Variants in MICAL3 observed in about 807,000 individuals in gnomAD.
MICAL3 encodes [F-actin]-monooxygenase MICAL3.
Under a neutral mutation model 207.4 loss-of-function variants are expected in MICAL3, and 62 were observed. The ratio of observed to expected loss-of-function variants is 0.30; its 90% CI spans 0.24 to 0.37. The LOEUF (loss-of-function observed/expected upper bound fraction) is 0.37. Ranked by LOEUF, MICAL3 falls within the 10% of genes least tolerant of loss-of-function variation. The pLI is 1.00. For missense variants in MICAL3, 2,368 were observed against 2,635.6 expected, an observed-to-expected ratio of 0.90 and a Z score of 2.22; for synonymous variants, 1,077 against 1,069.3, an observed-to-expected ratio of 1.01 and a Z score of -0.14.
chr22:17,882,253 T>C (rs933914831), intron 16 of MICAL3, among the ~76,000 whole-genome samples: 17 of 152,234 alleles, frequency 1.1e-4, no homozygotes, highest in Admixed American at 8.5e-4. Flanking sequence ...GAGAAGCCAC[T>C]GGCAGGCTGA....
rs200789673 is a variant in MICAL3, at chr22:17,817,974, T to C, written c.4687A>G (p.Lys1563Glu). 1.6e-4 allele frequency: 261 copies of C among 1,612,452 alleles called. 1 individual carries two copies. In the African/African-American group the frequency reaches 2.8e-3, roughly 17 times the overall value. Reference sequence around the variant, plus strand: ...AGAGCAGGCAGCCTCCCGTTCTCCTTGGCCAGGGGCGGGTGGCGAGGCTTC... The same window carrying C: ...AGAGCAGGCAGCCTCCCGTTCTCCTCGGCCAGGGGCGGGTGGCGAGGCTTC... ...PEKPRHPPLA[K>E]ENGRLPALEG... is the part of the protein sequence containing the mutation. The change falls in exon 26 of 32, where the codon AAG becomes GAG. Residue 1563 changes from lysine (K) to glutamate (E), a missense_variant. Transcript: ENST00000441493.
intron 5 of MICAL3, among the ~76,000 whole-genome samples, 153 bp from the exon 6 acceptor site, chr22:17,901,150 G>A (rs1038272956): frequency 3.3e-5 from 5 of 152,168 alleles, no homozygotes; most frequent in Non-Finnish European, 7.3e-5. Flanking sequence ...ATGAAAATAA[G>A]GCATTTACCT....
chr22:17,993,580 T>A (rs1243764442), intron 1 of MICAL3, among the ~76,000 whole-genome samples: 1 of 152,138 alleles, frequency 6.6e-6, no homozygotes, highest in Non-Finnish European at 1.5e-5. Flanking sequence ...CTCAGCACTC[T>A]CTGGATTCCC....
At chr22:17,974,595 G>A (rs1466751877) in intron 1 of MICAL3, among the ~76,000 whole-genome samples, 3 of 152,046 alleles carry the variant, frequency 2.0e-5, no homozygotes, top group East Asian at 1.9e-4. Flanking sequence ...ATGGTGGCAC[G>A]CACCTGTAAT....
At chr22:17,872,083 C>G (rs928654738) in intron 16 of MICAL3, 60 bp from the exon 17 acceptor site, 29 of 1,449,690 alleles carry the variant, frequency 2.0e-5, no homozygotes, top group Non-Finnish European at 4.7e-6. Context: ...CACAGGCCCT[C>G]CTAGAGGCAC....
At chr22:17,845,432 T>C (rs1308105833) in intron 19 of MICAL3, among the ~76,000 whole-genome samples, 3 of 152,132 alleles carry the variant, frequency 2.0e-5, no homozygotes, top group Non-Finnish European at 4.4e-5. Flanking sequence ...CAGTAGCACC[T>C]GGGAGAGGGC....
intron 16 of MICAL3, 61 bp from the exon 17 acceptor site, chr22:17,872,084 C>T: frequency 6.9e-7 from 1 of 1,448,664 alleles, no homozygotes; most frequent in East Asian, 2.4e-5. Flanking sequence ...ACAGGCCCTC[C>T]TAGAGGCACA....
intron 16 of MICAL3, among the ~76,000 whole-genome samples, chr22:17,877,318 AGGTTAGG>A (rs1928782101): frequency 8.2e-6 from 1 of 121,512 alleles, no homozygotes; most frequent in Non-Finnish European, 1.6e-5. Flanking sequence ...GAGGTTAGGG[AGGTTAGG>A]GAGGTTATGG....
In MICAL3 at chr22:17,846,420, C is replaced by A. The variant is rs146536145; in HGVS notation, c.2606-4403G>T. ...TTAAAAAAAAAACCACACGCACAAA[C>A]ACATCGGAACAATCAGCATCCTTGA... On this transcript the variant is annotated intron_variant, in intron 19 of 31. Coordinates refer to ENST00000441493, the MANE Select transcript of MICAL3 (RefSeq NM_015241.3). Among the ~76,000 whole-genome samples, 363 of 151,962 alleles carry A rather than the reference C, an allele frequency of 2.4e-3. 1 individual carries two copies. Among genetic ancestry groups the A allele is most frequent in the African/African-American group, 8.2e-3 (338 of 41,338 alleles).
intron 1 of MICAL3, among the ~76,000 whole-genome samples, chr22:17,929,565 TTTC>T (rs1433719162): frequency 1.0e-3 from 93 of 92,980 alleles, no homozygotes; most frequent in African/African-American, 4.3e-3. Context: ...TTCCTTTTCT[TTTC>T]TTTTTTTTTT....
rs745777142 is a variant in MICAL3 at position 17,904,872 on chromosome 22, C to T, written c.265-33G>A. The T allele has an allele frequency of 3.4e-6, 5 of 1,468,906 alleles. No homozygotes were observed. In the South Asian group the frequency reaches 5.7e-5, roughly 17 times the overall value. The allele number at this position is 1,468,906 out of a possible 1,614,324, so 91.0% of individuals were successfully genotyped here. A position where few individuals can be genotyped will look rare whatever the true frequency, so the allele number is the denominator to read the frequency against. On this transcript the variant is annotated intron_variant, in intron 2 of 31. Coordinates refer to ENST00000441493, the MANE Select transcript of MICAL3 (RefSeq NM_015241.3). ...ACACAGCTGCTTTCAGGGCAGGCGG[C>T]ACTTCCAACAAACAATTCTCAAGAA...
chr22:17,889,065 G>A lies in MICAL3; in HGVS notation c.1860C>T (p.Tyr620=), dbSNP rs776456411. The A allele has an allele frequency of 3.7e-6, 6 of 1,611,838 alleles. No homozygotes were observed. Among genetic ancestry groups the A allele is most frequent in the African/African-American group, 2.7e-5 (2 of 74,980 alleles). The change falls in exon 13 of 32, where the codon TAC becomes TAT. Residue 620 remains tyrosine, a synonymous_variant. Coordinates refer to ENST00000441493, the MANE Select transcript of MICAL3 (RefSeq NM_015241.3). Reference sequence around the variant, plus strand: ...AGGGGAGGGAGTCCTTAAACATCTCGTAGAACTGAGTCAGGTACATCACCA... The same window carrying A: ...AGGGGAGGGAGTCCTTAAACATCTCATAGAACTGAGTCAGGTACATCACCA... ...LSMVMYLTQF[Y]EMFKDSLPSS...
At chr22:17,809,842 TACA>T (rs1285410826) in intron 28 of MICAL3, among the ~76,000 whole-genome samples, 1 of 151,976 alleles carries the variant, frequency 6.6e-6, no homozygotes, top group Non-Finnish European at 1.5e-5. Context: ...ATGATTATTC[TACA>T]ACAAGGGATT....
intron 1 of MICAL3, chr22:18,005,459 C>T (rs1923325908): frequency 1.3e-5 from 2 of 152,150 alleles, no homozygotes; most frequent in African/African-American, 4.8e-5. Flanking sequence ...CCTGCGTGAA[C>T]ACAACCTTTT....
At chr22:17,967,492 A>ACACC (rs1556491453) in intron 1 of MICAL3, among the ~76,000 whole-genome samples, 4 of 148,612 alleles carry the variant, frequency 2.7e-5, no homozygotes, top group African/African-American at 7.4e-5. Context: ...ACACACACAC[A>ACACC]CCCACACACA....
chr22:17,831,636 A>T (rs1304871211), intron 21 of MICAL3, among the ~76,000 whole-genome samples: 1 of 152,182 alleles, frequency 6.6e-6, no homozygotes, highest in African/African-American at 2.4e-5. Flanking sequence ...TTTCTAAACC[A>T]ATGTGCACAA....
intron 19 of MICAL3, 70 bp from the exon 20 acceptor site, chr22:17,842,087 A>AC (rs1336851678): frequency 6.9e-7 from 1 of 1,448,564 alleles, no homozygotes; most frequent in Admixed American, 1.9e-5. Context: ...GGGGGCTGAC[A>AC]CCCAGGCTGC....
At chr22:17,791,380 G>T in intron 29 of MICAL3, 79 bp from the exon 30 acceptor site, 2 of 1,222,218 alleles carry the variant, frequency 1.6e-6, no homozygotes, top group Non-Finnish European at 2.4e-6. Flanking sequence ...GGGCAAATGT[G>T]CAAAGAGGGC....
intron 19 of MICAL3, among the ~76,000 whole-genome samples, chr22:17,850,481 GCT>G (rs2146099446): frequency 7.2e-6 from 1 of 138,780 alleles, no homozygotes; most frequent in African/African-American, 2.8e-5. Flanking sequence ...TGCGATCTTG[GCT>G]CACTGCAAAC....
Sources: allele counts gnomAD v4.1 joint callset (sites outside exome capture counted in the v4.1 genomes callset), GRCh38; gene constraint gnomAD v4.1.1; transcripts MANE v1.5; gene names NCBI Gene and HGNC (gene_info 2026-07-23, HGNC 2026-07-21).